Variants in NPRL3 observed in about 807,000 individuals in gnomAD.
The protein encoded by NPRL3 is NPR3 like, GATOR1 complex subunit.
A neutral mutation model predicts 57.2 loss-of-function variants in NPRL3; 23 were observed. That is an observed-to-expected ratio of 0.40 (90% CI 0.29 to 0.57). The LOEUF is 0.57. Among genes scored for constraint, NPRL3 ranks in the 20% least tolerant of loss-of-function variants. NPRL3 has a pLI of 0.42. For synonymous variants in NPRL3, 333 were observed against 321.1 expected (o/e 1.04, Z -0.39); for missense variants, 691 against 767.1 (o/e 0.90, Z 1.17).
intron 2 of NPRL3, among the ~76,000 whole-genome samples, chr16:137,798 C>T (rs1427658236): frequency 6.6e-6 from 1 of 152,046 alleles, no homozygotes; most frequent in African/African-American, 2.4e-5. Context: ...CTCCTGACCT[C>T]AGGTGATCCA....
chr16:100,874 G>A (rs1194646033), intron 7 of NPRL3, among the ~76,000 whole-genome samples: 4 of 140,098 alleles, frequency 2.9e-5, no homozygotes, highest in African/African-American at 1.1e-4. Flanking sequence ...GGGAGGCTGA[G>A]GCAGGAGAAT....
At chr16:111,575 G>A (rs967789525) in intron 6 of NPRL3, among the ~76,000 whole-genome samples, 17 of 151,362 alleles carry the variant, frequency 1.1e-4, no homozygotes, top group African/African-American at 3.2e-4. Context: ...TCAGCATCCC[G>A]AGTAGCTGGA....
Position 85,690 on chromosome 16 carries a change from G to A in NPRL3, c.*1015C>T. On this transcript the variant is annotated 3_prime_UTR_variant, in exon 14 of 14. Coordinates refer to ENST00000611875, the MANE Select transcript of NPRL3 (RefSeq NM_001077350.3). ...TGGGCGTCGGCCATGCAGGGGAGTG[G>A]GCCCGGAAACCCCTCCGCTTCTATG... 6.4e-7 allele frequency: 1 copy of A among 1,553,390 alleles called. No individual in the cohort carries two copies.
intron 2 of NPRL3, among the ~76,000 whole-genome samples, chr16:137,060 A>T: frequency 1.4e-5 from 1 of 70,204 alleles, no homozygotes; most frequent in Non-Finnish European, 2.5e-5. Context: ...AAAAAAAAAA[A>T]AAAAAAAAAA....
At chr16:104,118 C>T (rs1416918858) in intron 7 of NPRL3, among the ~76,000 whole-genome samples, 2 of 145,290 alleles carry the variant, frequency 1.4e-5, no homozygotes, top group Non-Finnish European at 1.5e-5. Context: ...AAAAGTGAAA[C>T]TCCATCTCAA....
chr16:118,258 A>G (rs745840277), intron 4 of NPRL3, among the ~76,000 whole-genome samples: 1 of 152,202 alleles, frequency 6.6e-6, no homozygotes, highest in African/African-American at 2.4e-5. Context: ...TAATGCCATC[A>G]CTGATCCTGC....
intron 5 of NPRL3, among the ~76,000 whole-genome samples, chr16:114,610 C>T (rs541112757): frequency 9.9e-5 from 15 of 152,148 alleles, no homozygotes; most frequent in African/African-American, 2.7e-4. Flanking sequence ...GACATAAAGA[C>T]ACCACATGCA....
intron 11 of NPRL3, 81 bp downstream of exon 11, chr16:92,515 G>A: frequency 1.3e-6 from 2 of 1,521,230 alleles, no homozygotes; most frequent in Non-Finnish European, 1.8e-6. Context: ...AGGGCTCTCA[G>A]ATCAGAACCA....
intron 5 of NPRL3, among the ~76,000 whole-genome samples, chr16:114,039 T>C (rs901355719): frequency 2.7e-4 from 41 of 152,114 alleles, no homozygotes; most frequent in Admixed American, 1.8e-3. Flanking sequence ...GGCTGACATA[T>C]GGGGTGTATA....
At chr16:110,138 G>A (rs145155125) in intron 7 of NPRL3, among the ~76,000 whole-genome samples, 4,696 of 152,166 alleles carry the variant, frequency 0.031, 97 homozygotes, top group Non-Finnish European at 0.048. Context: ...GTGTGGTGGC[G>A]CATGCCTGTA....
intron 4 of NPRL3, among the ~76,000 whole-genome samples, chr16:117,838 C>T (rs1900111298): frequency 6.6e-6 from 1 of 152,258 alleles, no homozygotes; most frequent in South Asian, 2.1e-4. Flanking sequence ...GCTCCCGGTT[C>T]TGGCATCCAG....
intron 4 of NPRL3, among the ~76,000 whole-genome samples, chr16:118,018 G>A (rs777221732): frequency 1.3e-4 from 20 of 152,236 alleles, no homozygotes; most frequent in Non-Finnish European, 2.2e-4. Context: ...GTGACCGCGG[G>A]CAGGCTGCCA....
intron 7 of NPRL3, among the ~76,000 whole-genome samples, chr16:100,991 GGAA>G (rs1166602445): frequency 1.6e-4 from 7 of 43,674 alleles, no homozygotes; most frequent in East Asian, 5.4e-4. Flanking sequence ...AAAAAAAAAA[GGAA>G]GAAGAAGAAG....
Position 112,614 on chromosome 16 carries a change from G to T in NPRL3, c.547+8C>A. ...AGACCCATGCCCATCACGCCCTGCT[G>T]CACTCACCATCAGCCATGGCGGACA... On this transcript the variant is annotated splice_region_variant and intron_variant, in intron 6 of 13. Coordinates refer to ENST00000611875, the MANE Select transcript of NPRL3 (RefSeq NM_001077350.3). 6.4e-7 allele frequency: 1 copy of T among 1,566,574 alleles called. No homozygotes were observed.
chr16:125,788 G>C (rs1322672293), intron 3 of NPRL3: 1 of 152,194 alleles, frequency 6.6e-6, no homozygotes, highest in Non-Finnish European at 1.5e-5. Context: ...CTGCTTTCTT[G>C]TGTGTCAACC....
chr16:100,129 C>T (rs1596508132), intron 8 of NPRL3, among the ~76,000 whole-genome samples: 1 of 152,126 alleles, frequency 6.6e-6, no homozygotes, highest in South Asian at 2.1e-4. Flanking sequence ...CCAGGCTGCC[C>T]TGCCCAAGCC....
intron 6 of NPRL3, among the ~76,000 whole-genome samples, chr16:111,218 T>C (rs974367082): frequency 2.6e-5 from 4 of 151,550 alleles, no homozygotes; most frequent in African/African-American, 9.7e-5. Flanking sequence ...GCTAACACGG[T>C]GAAAACCCCG....
At chr16:87,999 G>A (rs1246245050) in intron 13 of NPRL3, among the ~76,000 whole-genome samples, 1 of 151,984 alleles carries the variant, frequency 6.6e-6, no homozygotes, top group Non-Finnish European at 1.5e-5. Flanking sequence ...CAGAAGAGTT[G>A]CAAGTGGTTC....
intron 2 of NPRL3, among the ~76,000 whole-genome samples, chr16:131,334 C>T (rs558735441): frequency 6.6e-6 from 1 of 151,388 alleles, no homozygotes; most frequent in Non-Finnish European, 1.5e-5. Context: ...AAAAAATTAG[C>T]CGGGCGTGGT....
Sources: allele counts gnomAD v4.1 joint callset (sites outside exome capture counted in the v4.1 genomes callset), GRCh38; gene constraint gnomAD v4.1.1; transcripts MANE v1.5; gene names NCBI Gene and HGNC (gene_info 2026-07-23, HGNC 2026-07-21).